USP12: variants seen among roughly 807,000 people sequenced by gnomAD.
USP12 encodes the protein ubiquitin specific peptidase 12, also known as ubiquitin carboxyl-terminal hydrolase 12.
In USP12, 19 loss-of-function variants were observed where a neutral mutation model predicts 45.5. That is an observed-to-expected ratio of 0.42 (90% confidence interval 0.29 to 0.61). The LOEUF is 0.61. Ranked by LOEUF, USP12 falls within the 20% of genes least tolerant of loss-of-function variation. The pLI, the probability that USP12 is intolerant of heterozygous loss-of-function variation, is 0.22. For synonymous variants in USP12, 149 were observed against 148.8 expected (o/e 1.00, Z -0.01); for missense variants, 242 against 447.7 (o/e 0.54, Z 4.15).
intron 7 of USP12, among the ~76,000 whole-genome samples, chr13:27,072,767 G>A (rs1409477967): frequency 1.3e-5 from 2 of 152,122 alleles, no homozygotes; most frequent in African/African-American, 2.4e-5. Flanking sequence ...TAATACTTAA[G>A]TCAACAAACA....
At position 27,095,764 on chromosome 13, in the gene USP12, G is replaced by A. The variant is rs1317631749; in HGVS notation, c.410C>T (p.Ala137Val). 35 of 1,612,790 alleles carry A rather than the reference G, an allele frequency of 2.2e-5. No homozygotes were observed. The highest frequency in any genetic ancestry group is 3.0e-5 in the Non-Finnish European group (35 of 1,179,578). Residue 137 changes from alanine to valine, a missense_variant, in exon 4 of 9, where the codon GCT becomes GTT. Ala to Val is a moderately conservative substitution (Grantham distance 64). Coordinates refer to ENST00000282344, the MANE Select transcript of USP12 (RefSeq NM_182488.4). ...CTTTCTCTCTTCTTGTAAAATATCA[G>A]CAATTGTATTTAGTAGGTAATTTAA... ...EFLNYLLNTIADILQEERKQE... is the reference protein window; with the variant it reads ...EFLNYLLNTIVDILQEERKQE...
chr13:27,156,827 A>C (rs1380058445), intron 1 of USP12, among the ~76,000 whole-genome samples: 1 of 150,702 alleles, frequency 6.6e-6, no homozygotes, highest in Non-Finnish European at 1.5e-5. Flanking sequence ...GTCTCAAAAA[A>C]ACAAAAGAGA....
At chr13:27,093,075 A>G (rs1291122273) in intron 4 of USP12, among the ~76,000 whole-genome samples, 1 of 152,068 alleles carries the variant, frequency 6.6e-6, no homozygotes, top group Non-Finnish European at 1.5e-5. Flanking sequence ...GCGTGCCTGT[A>G]ATCCTGGCTA....
At chr13:27,132,598 G>GT (rs1170513100) in intron 1 of USP12, among the ~76,000 whole-genome samples, 2 of 152,162 alleles carry the variant, frequency 1.3e-5, no homozygotes, top group Non-Finnish European at 2.9e-5. Flanking sequence ...GATGGTTAGT[G>GT]TAAGTATCTC....
chr13:27,086,020 A>T lies in USP12; in HGVS notation c.734+3863T>A, dbSNP rs192116843. Among the ~76,000 whole-genome samples the T allele has an allele frequency of 6.0e-3, 910 of 151,580 alleles. 4 individuals are homozygous for T. Among genetic ancestry groups the T allele is most frequent in the Middle Eastern group, 0.014 (4 of 292 alleles). ...GTCTATAAAAAATAAAATTCAATAA[A>T]TTATTCAGGCACGGTGGCACACATC... is the stretch of plus-strand genomic sequence containing the variant. On this transcript the variant is annotated intron_variant, in intron 6 of 8. Coordinates refer to ENST00000282344, the MANE Select transcript of USP12 (RefSeq NM_182488.4).
At chr13:27,148,676 T>TTTA (rs370385217) in intron 1 of USP12, among the ~76,000 whole-genome samples, 2 of 139,448 alleles carry the variant, frequency 1.4e-5, no homozygotes, top group African/African-American at 5.3e-5. Flanking sequence ...AAAAAAAAAA[T>TTTA]TATATATATA....
Position 27,067,993 on chromosome 13 carries a change from C to T in USP12, c.*1290G>A, listed in dbSNP as rs1565978703. ...CAGATTTTAATTTCTGAACACCCTT[C>T]CAGTAAGATTTGTAAAGGTGGGGGG... On this transcript the variant is annotated 3_prime_UTR_variant, in exon 9 of 9. Transcript: ENST00000282344. 6.6e-6 allele frequency: 1 copy of T among 152,044 alleles called. No homozygotes were observed. The highest frequency in any genetic ancestry group is 1.5e-5 in the Non-Finnish European group (1 of 68,012). 9.4% of individuals were successfully genotyped at this position (152,044 alleles called of 1,614,324 possible).
chr13:27,142,040 T>G (rs1332749296), intron 1 of USP12, among the ~76,000 whole-genome samples: 2 of 152,142 alleles, frequency 1.3e-5, no homozygotes, highest in East Asian at 1.9e-4. Flanking sequence ...GAGAATTGCT[T>G]GAACTCAGGA....
At chr13:27,131,779 C>A (rs750465804) in intron 1 of USP12, among the ~76,000 whole-genome samples, 4 of 152,124 alleles carry the variant, frequency 2.6e-5, no homozygotes, top group Non-Finnish European at 5.9e-5. Flanking sequence ...TATTATTCAC[C>A]ACTCCCTCTC....
chr13:27,168,566 T>C (rs906455982), intron 1 of USP12, among the ~76,000 whole-genome samples: 1 of 152,198 alleles, frequency 6.6e-6, no homozygotes, highest in African/African-American at 2.4e-5. Flanking sequence ...GGCCCTGAAG[T>C]CTGAAACTAC....
intron 7 of USP12, 120 bp downstream of exon 7, chr13:27,075,071 A>G: frequency 2.3e-6 from 2 of 864,940 alleles, no homozygotes; most frequent in Non-Finnish European, 3.3e-6. Flanking sequence ...AAATAAAATT[A>G]TCTTGAGAGA....
chr13:27,130,971 A>C (rs928789341), intron 1 of USP12, among the ~76,000 whole-genome samples: 2 of 152,270 alleles, frequency 1.3e-5, no homozygotes, highest in African/African-American at 4.8e-5. Context: ...CTGGATGAAA[A>C]GATCAGTTCA....
intron 1 of USP12, among the ~76,000 whole-genome samples, chr13:27,156,834 G>C (rs1409218621): frequency 1.4e-5 from 2 of 147,358 alleles, no homozygotes; most frequent in East Asian, 3.9e-4. Context: ...AAAAACAAAA[G>C]AGAGAGAGAG....
intron 1 of USP12, among the ~76,000 whole-genome samples, chr13:27,123,420 A>G (rs1341121091): frequency 6.6e-6 from 1 of 152,232 alleles, no homozygotes; most frequent in South Asian, 2.1e-4. Context: ...AAACATTAAC[A>G]AAGTCCTGAA....
intron 1 of USP12, among the ~76,000 whole-genome samples, chr13:27,164,135 C>T (rs1286359550): frequency 6.6e-6 from 1 of 151,458 alleles, no homozygotes; most frequent in Non-Finnish European, 1.5e-5. Flanking sequence ...TAGTAGGTCA[C>T]TAAAATAAAA....
At chr13:27,144,136 G>A (rs1402096703) in intron 1 of USP12, among the ~76,000 whole-genome samples, 1 of 151,990 alleles carries the variant, frequency 6.6e-6, no homozygotes, top group African/African-American at 2.4e-5. Context: ...CCTGGGAGCT[G>A]AAGTTGGAGC....
At chr13:27,089,711 CAT>C in intron 6 of USP12, 170 bp downstream of exon 6, 2 of 606,470 alleles carry the variant, frequency 3.3e-6, no homozygotes, top group Non-Finnish European at 5.7e-6. Context: ...GTAAAATAAA[CAT>C]TGAGTAGAAT....
intron 4 of USP12, among the ~76,000 whole-genome samples, chr13:27,090,692 T>C (rs1461173559): frequency 6.6e-6 from 1 of 152,236 alleles, no homozygotes; most frequent in African/African-American, 2.4e-5. Flanking sequence ...TGAACTGGAA[T>C]AGGACAGAAC....
chr13:27,155,210 T>A (rs1324005396), intron 1 of USP12, among the ~76,000 whole-genome samples: 2 of 150,996 alleles, frequency 1.3e-5, no homozygotes, highest in East Asian at 2.0e-4. Context: ...GCCTCCCAAG[T>A]AGCTGGGACT....
Sources: allele counts gnomAD v4.1 joint callset (sites outside exome capture counted in the v4.1 genomes callset), GRCh38; gene constraint gnomAD v4.1.1; transcripts MANE v1.5; gene names NCBI Gene and HGNC (gene_info 2026-07-23, HGNC 2026-07-21).